The following AOPEP variants were observed in gnomAD, a reference collection of about 807,000 sequenced individuals.
The protein encoded by AOPEP is aminopeptidase O.
AOPEP carries 77 observed loss-of-function variants against 98.1 expected under a neutral mutation model. The ratio of observed to expected loss-of-function variants is 0.78; its 90% CI spans 0.65 to 0.95. The LOEUF is 0.95. Among genes scored for constraint, AOPEP ranks in the 40% least tolerant of loss-of-function variants. AOPEP has a pLI of 0.00. For missense variants in AOPEP, 1,024 were observed against 1,024.7 expected (o/e 1.00, Z 0.01); for synonymous variants, 346 against 365.3 (o/e 0.95, Z 0.60).
rs754444042 is a variant in AOPEP at position 94,800,839 on chromosome 9, C to T, written c.1201C>T (p.Arg401Trp). 5.2e-5 allele frequency: 84 copies of T among 1,614,208 alleles called. No individual in the cohort carries two copies. The highest frequency in any genetic ancestry group is 3.3e-4 in the Middle Eastern group (2 of 6,062). Residue 401 changes from arginine (R) to tryptophan (W), a missense_variant, in exon 5 of 17, where the codon CGG becomes TGG. By Grantham distance (101) the Arg-to-Trp change is moderately radical. Coordinates refer to ENST00000375315, the MANE Select transcript of AOPEP (RefSeq NM_001193329.3). ...CACCACCCAGGAGATCATTCCTCAT[C>T]GGGTCTTTGCCCCTGTGTGCCTCAC... Reference protein sequence around the residue: ...SATTQEIIPHRVFAPVCLTGA... With the variant: ...SATTQEIIPHWVFAPVCLTGA...
intron 3 of AOPEP, among the ~76,000 whole-genome samples, chr9:94,784,652 G>A (rs1041271974): frequency 1.3e-5 from 2 of 152,154 alleles, no homozygotes; most frequent in African/African-American, 2.4e-5. Context: ...GTTTCACTCT[G>A]TCGCCCAGGC....
chr9:94,988,571 C>T (rs2060665569), intron 11 of AOPEP, among the ~76,000 whole-genome samples: 1 of 152,036 alleles, frequency 6.6e-6, no homozygotes, highest in Non-Finnish European at 1.5e-5. Flanking sequence ...CTTCGAACAT[C>T]GAAGGATAAC....
At chr9:94,770,501 TCTTTCAGACTCA>T (rs1188496236) in intron 2 of AOPEP, among the ~76,000 whole-genome samples, 2 of 152,178 alleles carry the variant, frequency 1.3e-5, no homozygotes, top group Non-Finnish European at 2.9e-5. Context: ...TGGAAAATCC[TCTTTCAGACTCA>T]CTCGCGTGGC....
intron 5 of AOPEP, chr9:94,900,519 C>G (rs1455416132): frequency 6.6e-6 from 1 of 152,292 alleles, no homozygotes; most frequent in Non-Finnish European, 1.5e-5. Flanking sequence ...GCTTCCCCCT[C>G]TCTCAGGAGA....
chr9:95,062,225 A>G (rs1011083189), intron 14 of AOPEP, among the ~76,000 whole-genome samples: 28 of 150,626 alleles, frequency 1.9e-4, no homozygotes, highest in African/African-American at 6.6e-4. Flanking sequence ...TGGCTGGTTC[A>G]GAAACACCTG....
intron 14 of AOPEP, among the ~76,000 whole-genome samples, chr9:95,079,431 C>G (rs2069465707): frequency 6.6e-6 from 1 of 152,196 alleles, no homozygotes; most frequent in Non-Finnish European, 1.5e-5. Context: ...GGAGGCTCTT[C>G]TAAAATGCAC....
At chr9:95,079,758 G>T (rs2069520909) in intron 14 of AOPEP, among the ~76,000 whole-genome samples, 1 of 152,192 alleles carries the variant, frequency 6.6e-6, no homozygotes, top group African/African-American at 2.4e-5. Context: ...ATTCCTGCAG[G>T]TGAACGTTTA....
chr9:95,132,158 C>T, the AOPEP span, among the ~76,000 whole-genome samples: 1 of 152,150 alleles, frequency 6.6e-6, no homozygotes, highest in East Asian at 1.9e-4. Context: ...CAGCTGCGGG[C>T]GGGCTCTGCC....
chr9:94,885,210 A>G lies in AOPEP; in HGVS notation c.1365-38776A>G, dbSNP rs12551177. Reference sequence around the variant, plus strand: ...CAAAACATACAAAAATTAGCCAGGCACAGTGATGTGTACCTGTAGTCCTAG... The same window carrying G: ...CAAAACATACAAAAATTAGCCAGGCGCAGTGATGTGTACCTGTAGTCCTAG... On this transcript the variant is annotated intron_variant, in intron 5 of 16. Transcript: ENST00000375315. Among the ~76,000 whole-genome samples, 3 of 151,696 alleles carry G rather than the reference A, an allele frequency of 2.0e-5. No homozygotes were observed. The South Asian group carries it at 6.3e-4, about 32-fold the overall frequency.
At chr9:94,914,972 G>C (rs78238756) in intron 5 of AOPEP, among the ~76,000 whole-genome samples, 2,399 of 152,280 alleles carry the variant, frequency 0.016, 65 homozygotes, top group African/African-American at 0.055. Flanking sequence ...TCAAATTTGA[G>C]TACGTGTGCT....
chr9:94,787,740 A>C (rs1040710791), intron 3 of AOPEP, among the ~76,000 whole-genome samples: 1 of 152,144 alleles, frequency 6.6e-6, no homozygotes, highest in African/African-American at 2.4e-5. Context: ...TTTTACATTA[A>C]ATATGCAATA....
At position 94,755,201 on chromosome 9, in the gene AOPEP, G is replaced by A. The variant is rs372907161; in HGVS notation, c.-135-4448G>A. On this transcript the variant is annotated intron_variant, in intron 1 of 16. Coordinates refer to ENST00000375315, the MANE Select transcript of AOPEP (RefSeq NM_001193329.3). ...TATGTTATGGCTTATGACAGAGAAT[G>A]GAAAAATGCTTCAGTGAGACAGGCT... Among the ~76,000 whole-genome samples, 65 of 152,236 alleles carry A rather than the reference G, an allele frequency of 4.3e-4. 4 individuals carry two copies. The highest frequency in any genetic ancestry group is 1.5e-3 in the African/African-American group (64 of 41,520).
chr9:94,837,446 T>C (rs1395275875), intron 5 of AOPEP, among the ~76,000 whole-genome samples: 2 of 151,880 alleles, frequency 1.3e-5, no homozygotes, highest in Non-Finnish European at 2.9e-5. Flanking sequence ...GGAAAGGACA[T>C]AACAAAAAAA....
At position 95,023,482 on chromosome 9, in the gene AOPEP, C is replaced by T. The variant is rs570163369; in HGVS notation, c.2115+17866C>T. ...GGGGCCACTCTGCCCTAGTCAAATA[C>T]TGCCTCAGGTTCAGTTGGAAGTTTC... On this transcript the variant is annotated intron_variant, in intron 13 of 16. Transcript: ENST00000375315. Among the ~76,000 whole-genome samples the T allele has an allele frequency of 3.9e-5, 6 of 152,348 alleles. No homozygotes were observed. In the South Asian group the frequency reaches 1.2e-3, roughly 32 times the overall value.
At chr9:94,985,112 C>T (rs926189700) in intron 11 of AOPEP, among the ~76,000 whole-genome samples, 1 of 152,250 alleles carries the variant, frequency 6.6e-6, no homozygotes, top group East Asian at 1.9e-4. Context: ...GCTCAGCCGC[C>T]AGTTCCTGGC....
chr9:95,010,127 C>T (rs555173395), intron 13 of AOPEP, among the ~76,000 whole-genome samples: 6 of 151,966 alleles, frequency 3.9e-5, no homozygotes, highest in Non-Finnish European at 7.4e-5. Context: ...CATTTTTTAG[C>T]GTTTATTGTT....
intron 7 of AOPEP, among the ~76,000 whole-genome samples, chr9:94,949,103 A>G (rs2057911987): frequency 6.6e-6 from 1 of 152,234 alleles, no homozygotes; most frequent in Non-Finnish European, 1.5e-5. Flanking sequence ...TGTCTAGATC[A>G]TCGCTTGCTG....
At chr9:95,040,767 A>C (rs1204774441) in intron 13 of AOPEP, among the ~76,000 whole-genome samples, 3 of 152,248 alleles carry the variant, frequency 2.0e-5, no homozygotes, top group African/African-American at 7.2e-5. Context: ...TGCAAAGTGC[A>C]GGATGAGAAT....
At chr9:94,963,968 A>G (rs2059022143) in intron 9 of AOPEP, among the ~76,000 whole-genome samples, 1 of 152,206 alleles carries the variant, frequency 6.6e-6, no homozygotes, top group Non-Finnish European at 1.5e-5. Context: ...CTAGTGTTTC[A>G]TGGTTAAAGA....
Sources: allele counts gnomAD v4.1 joint callset (sites outside exome capture counted in the v4.1 genomes callset), GRCh38; gene constraint gnomAD v4.1.1; transcripts MANE v1.5; gene names NCBI Gene and HGNC (gene_info 2026-07-23, HGNC 2026-07-21).